The following FILIP1 variants were observed in gnomAD, a reference collection of about 807,000 sequenced individuals.
FILIP1 encodes filamin-A-interacting protein 1.
In FILIP1, 61 loss-of-function variants were observed where a neutral mutation model predicts 102.1. That is an observed-to-expected ratio of 0.60 (90% confidence interval 0.49 to 0.74). The LOEUF is 0.74. Ranked by LOEUF, FILIP1 falls within the 30% of genes least tolerant of loss-of-function variation. The pLI is 0.00. For synonymous variants in FILIP1, 491 were observed against 526.9 expected, an observed-to-expected ratio of 0.93 and a Z score of 0.93; for missense variants, 1,314 against 1,441.2, an observed-to-expected ratio of 0.91 and a Z score of 1.43.
At chr6:75,396,360 A>T (rs1286800889) in intron 2 of FILIP1, among the ~76,000 whole-genome samples, 1 of 151,972 alleles carries the variant, frequency 6.6e-6, no homozygotes, top group Non-Finnish European at 1.5e-5. Flanking sequence ...AGGGCATACC[A>T]GTTAAGAGTC....
intron 1 of FILIP1, among the ~76,000 whole-genome samples, chr6:75,428,018 T>C (rs1020362655): frequency 6.6e-6 from 1 of 152,196 alleles, no homozygotes; most frequent in South Asian, 2.1e-4. Flanking sequence ...GGTCTTTCTT[T>C]AAATCATATC....
At chr6:75,360,495 A>G (rs536314067) in intron 3 of FILIP1, among the ~76,000 whole-genome samples, 2 of 152,304 alleles carry the variant, frequency 1.3e-5, no homozygotes, top group African/African-American at 4.8e-5. Context: ...TACCCAATCA[A>G]TTGAGATCCC....
intron 1 of FILIP1, among the ~76,000 whole-genome samples, chr6:75,462,972 T>C (rs1345973419): frequency 1.3e-5 from 2 of 152,208 alleles, no homozygotes; most frequent in African/African-American, 4.8e-5. Flanking sequence ...AGATGTTTAT[T>C]TTTCAGTCAC....
At chr6:75,346,307 C>T (rs1482755483) in intron 4 of FILIP1, among the ~76,000 whole-genome samples, 1 of 152,090 alleles carries the variant, frequency 6.6e-6, no homozygotes, top group Admixed American at 6.5e-5. Flanking sequence ...GTCAGATAAC[C>T]CATTTTCCTA....
intron 1 of FILIP1, among the ~76,000 whole-genome samples, chr6:75,428,236 C>A (rs192894938): frequency 2.6e-5 from 4 of 152,234 alleles, no homozygotes; most frequent in Admixed American, 2.6e-4. Flanking sequence ...ACATATCAGG[C>A]ATATCTTTGC....
intron 1 of FILIP1, among the ~76,000 whole-genome samples, chr6:75,491,048 A>G (rs1412809763): frequency 6.6e-6 from 1 of 152,106 alleles, no homozygotes; most frequent in Non-Finnish European, 1.5e-5. Flanking sequence ...AAAGAGGCAA[A>G]CCCTACTTAA....
intron 1 of FILIP1, among the ~76,000 whole-genome samples, chr6:75,434,767 G>C (rs2998390): frequency 0.67 from 101,262 of 152,154 alleles, 34,234 homozygotes; most frequent in African/African-American, 0.77. Flanking sequence ...TCTTGTGCCA[G>C]TTTTCAAAGG....
chr6:75,481,329 T>C (rs1392230301), intron 1 of FILIP1, among the ~76,000 whole-genome samples: 2 of 152,174 alleles, frequency 1.3e-5, no homozygotes, highest in Non-Finnish European at 2.9e-5. Context: ...AGTAAATTAT[T>C]CTTACTAAAT....
intron 2 of FILIP1, among the ~76,000 whole-genome samples, chr6:75,409,457 T>G (rs2078735036): frequency 6.6e-6 from 1 of 152,122 alleles, no homozygotes; most frequent in South Asian, 2.1e-4. Context: ...CAGGCTGACC[T>G]CACTCACTCC....
chr6:75,489,817 T>G (rs1474824530), intron 1 of FILIP1, among the ~76,000 whole-genome samples: 1 of 152,108 alleles, frequency 6.6e-6, no homozygotes, highest in Non-Finnish European at 1.5e-5. Context: ...TTTATTGCTA[T>G]ATATATTAAA....
chr6:75,319,824 C>G, intron 4 of FILIP1: 1 of 295,548 alleles, frequency 3.4e-6, no homozygotes, highest in Non-Finnish European at 6.0e-6. Flanking sequence ...AGCAAGACTC[C>G]GTCCCCCAAA....
intron 1 of FILIP1, among the ~76,000 whole-genome samples, chr6:75,483,704 G>A (rs946357838): frequency 6.6e-6 from 1 of 152,110 alleles, no homozygotes; most frequent in African/African-American, 2.4e-5. Flanking sequence ...AGGAACTAAG[G>A]TCACCATAAC....
chr6:75,310,500 T>C (rs554468797), intron 5 of FILIP1, among the ~76,000 whole-genome samples: 1 of 152,352 alleles, frequency 6.6e-6, no homozygotes, highest in East Asian at 1.9e-4. Context: ...CTTGATTTTA[T>C]GAGATCTGAT....
intron 4 of FILIP1, among the ~76,000 whole-genome samples, chr6:75,345,657 A>G (rs1353892428): frequency 1.3e-5 from 2 of 152,168 alleles, no homozygotes; most frequent in African/African-American, 2.4e-5. Context: ...TGTGAGCCCT[A>G]TGTAAATCAG....
chr6:75,479,080 C>T (rs1779570602), intron 1 of FILIP1, among the ~76,000 whole-genome samples: 8 of 152,164 alleles, frequency 5.3e-5, no homozygotes, highest in Admixed American at 4.6e-4. Context: ...CTTGTTTTAA[C>T]AACCCTATCC....
At chr6:75,463,315 A>G (rs1328879321) in intron 1 of FILIP1, among the ~76,000 whole-genome samples, 1 of 152,242 alleles carries the variant, frequency 6.6e-6, no homozygotes. Flanking sequence ...TTCAATGTAC[A>G]GAATAAACAA....
intron 4 of FILIP1, among the ~76,000 whole-genome samples, chr6:75,316,357 T>C (rs1268273444): frequency 1.3e-5 from 2 of 152,190 alleles, no homozygotes; most frequent in African/African-American, 4.8e-5. Flanking sequence ...TTAAGTATAA[T>C]AGATTTTATT....
In FILIP1 at chr6:75,386,175, G is replaced by T. The variant is rs1294473931; in HGVS notation, c.277-23258C>A. ...GCATTGACCTCTACTGAGTTTTTGTGGTCAGGAACCTTCTCTGAGCTGTCA... is the reference window on the plus strand; with the variant it reads ...GCATTGACCTCTACTGAGTTTTTGTTGTCAGGAACCTTCTCTGAGCTGTCA... On this transcript the variant is annotated intron_variant, in intron 2 of 5. Coordinates refer to ENST00000237172, the MANE Select transcript of FILIP1 (RefSeq NM_015687.5). 3.3e-5 allele frequency: 5 copies of T among 152,098 alleles called. No individual in the cohort carries two copies. In the East Asian group the frequency reaches 9.6e-4, roughly 29 times the overall value. 9.4% of individuals were successfully genotyped at this position (152,098 alleles called of 1,614,324 possible). A position where few individuals can be genotyped will look rare whatever the true frequency, so the allele number is the denominator to read the frequency against.
intron 4 of FILIP1, among the ~76,000 whole-genome samples, chr6:75,316,529 G>A (rs541896718): frequency 6.6e-5 from 10 of 151,978 alleles, no homozygotes; most frequent in African/African-American, 9.6e-5. Context: ...GAAAGCTGGT[G>A]TACAAGAAAT....
Sources: gnomAD v4.1 joint callset for allele counts (sites outside exome capture counted in the v4.1 genomes callset) on GRCh38, gnomAD v4.1.1 for gene constraint, MANE v1.5 for transcripts, NCBI Gene and HGNC (gene_info 2026-07-23, HGNC 2026-07-21) for gene names.